SYNE3: variants seen among roughly 807,000 people sequenced by gnomAD.
SYNE3 encodes the protein nesprin-3.
SYNE3 carries 100 observed loss-of-function variants against 111.2 expected under a neutral mutation model. The observed-to-expected ratio is 0.90, with a 90% CI of 0.77 to 1.06. SYNE3 has a LOEUF of 1.06. Ranked by LOEUF, SYNE3 falls within the 50% of genes least tolerant of loss-of-function variation. The probability of loss-of-function intolerance (pLI) is 0.00; values close to 1 mark genes in which losing one functional copy is unlikely to be tolerated. For missense variants in SYNE3, 1,160 were observed against 1,240.3 expected (o/e 0.94, Z 0.97); for synonymous variants, 547 against 533.9 (o/e 1.02, Z -0.34).
At chr14:95,505,111 G>T (rs189708631) in intron 1 of SYNE3, among the ~76,000 whole-genome samples, 2 of 152,348 alleles carry the variant, frequency 1.3e-5, no homozygotes, top group East Asian at 1.9e-4. Flanking sequence ...CTCCCTTCCC[G>T]CCATGGCTTG....
chr14:95,413,749 G>A lies in SYNE3; in HGVS notation c.*4077C>T, dbSNP rs1160652330. The A allele has an allele frequency of 6.6e-6, 1 of 152,254 alleles. No individual in the cohort carries two copies. The highest frequency in any genetic ancestry group is 1.5e-5 in the Non-Finnish European group (1 of 68,074). 9.4% of individuals were successfully genotyped at this position (152,254 alleles called of 1,614,324 possible). ...TCCAGCCAGCTGCCTGAAGCAAACG[G>A]GGCCTGAGAGATGGAATTGGGTCAG... On this transcript the variant is annotated 3_prime_UTR_variant, in exon 18 of 18. Coordinates refer to ENST00000682763, the MANE Select transcript of SYNE3 (RefSeq NM_152592.6).
intron 1 of SYNE3, among the ~76,000 whole-genome samples, chr14:95,515,204 T>C (rs891077652): frequency 6.6e-6 from 1 of 152,160 alleles, no homozygotes; most frequent in Admixed American, 6.5e-5. Flanking sequence ...GGGGCCTCTC[T>C]GGTTGAAAAC....
Position 95,444,578 on chromosome 14 carries a change from C to T in SYNE3, c.1683G>A (p.Gln561=). 6.2e-7 allele frequency: 1 copy of T among 1,613,214 alleles called. No homozygotes were observed. The change falls in exon 10 of 18, where the codon CAG becomes CAA. Residue 561 remains glutamine, a synonymous_variant. Transcript: ENST00000682763. The part of the protein sequence containing the change: ...KDFGAAFEPL[Q]RKLLDLQVRV... ...TGACCTGGAGGTCCAAGAGCTTCCT[C>T]TGCAGGGGCTCAAAAGCTGCTCCAA...
chr14:95,491,864 G>A (rs1889868223), intron 1 of SYNE3, among the ~76,000 whole-genome samples: 1 of 149,746 alleles, frequency 6.7e-6, no homozygotes, highest in South Asian at 2.1e-4. Flanking sequence ...ATCCGATAAG[G>A]GACTTACATC....
intron 1 of SYNE3, 39 bp from the exon 2 acceptor site, chr14:95,475,874 T>G: frequency 7.1e-7 from 1 of 1,402,318 alleles, no homozygotes; most frequent in Non-Finnish European, 9.3e-7. Context: ...CAGGCAGGAA[T>G]GTAGGGGGCT....
intron 3 of SYNE3, among the ~76,000 whole-genome samples, chr14:95,467,359 C>G (rs1247276513): frequency 6.6e-6 from 1 of 152,128 alleles, no homozygotes; most frequent in Non-Finnish European, 1.5e-5. Context: ...GGTAACTTTC[C>G]CAAACCACAT....
In SYNE3 at chr14:95,409,243, G is replaced by A. The variant is rs1166472085; in HGVS notation, c.*8583C>T. 2.2e-6 allele frequency: 1 copy of A among 456,682 alleles called. No individual in the cohort carries two copies. Among genetic ancestry groups the A allele is most frequent in the Admixed American group, 2.3e-5 (1 of 42,586 alleles). 28.3% of individuals were successfully genotyped at this position (456,682 alleles called of 1,614,324 possible). Reference sequence around the variant, plus strand: ...GCTGGCTGCTCTGAGGCAGGCTGCTGACCCTCTCCACACTCTGGTTTCTGA... The same window carrying A: ...GCTGGCTGCTCTGAGGCAGGCTGCTAACCCTCTCCACACTCTGGTTTCTGA... On this transcript the variant is annotated 3_prime_UTR_variant, in exon 18 of 18. Coordinates refer to ENST00000682763, the MANE Select transcript of SYNE3 (RefSeq NM_152592.6).
At chr14:95,504,836 GAA>G (rs549626246) in intron 1 of SYNE3, among the ~76,000 whole-genome samples, 1 of 151,750 alleles carries the variant, frequency 6.6e-6, no homozygotes, top group Non-Finnish European at 1.5e-5. Context: ...AAAGAAAAAA[GAA>G]AAAAGAAAAA....
rs556836086 is a variant in SYNE3, at chr14:95,412,219, G to C, written c.*5607C>G. ...TAGTCACAATGGTGGCCTCCAAGAG[G>C]CAGCAAGACACTCTCATGCCCTGTT... On this transcript the variant is annotated 3_prime_UTR_variant, in exon 18 of 18. Coordinates refer to ENST00000682763, the MANE Select transcript of SYNE3 (RefSeq NM_152592.6). 1 of 152,576 alleles carries C rather than the reference G, an allele frequency of 6.6e-6. No individual in the cohort carries two copies. Among genetic ancestry groups the C allele is most frequent in the South Asian group, 2.1e-4 (1 of 4,822 alleles). The allele number at this position is 152,576 out of a possible 1,614,324, so 9.5% of individuals were successfully genotyped here.
At chr14:95,494,838 C>T (rs1029291274) in intron 1 of SYNE3, among the ~76,000 whole-genome samples, 9 of 151,848 alleles carry the variant, frequency 5.9e-5, no homozygotes, top group Admixed American at 2.0e-4. Context: ...GGGTGCTGGG[C>T]GCCGTGGCTC....
chr14:95,443,685 C>T lies in SYNE3; in HGVS notation c.1777-396G>A, dbSNP rs534924413. 2.6e-3 allele frequency: 417 copies of T among 158,738 alleles called. 3 individuals carry two copies. The highest frequency in any genetic ancestry group is 5.5e-3 in the Admixed American group (86 of 15,606). 9.8% of individuals were successfully genotyped at this position (158,738 alleles called of 1,614,324 possible). ...TTTTGGAGACAGAGTCTCACTCTGTCGCCCAGGCTGGAGCACAGTGGCACA... is the reference window on the plus strand; with the variant it reads ...TTTTGGAGACAGAGTCTCACTCTGTTGCCCAGGCTGGAGCACAGTGGCACA... On this transcript the variant is annotated intron_variant, in intron 10 of 17. Coordinates refer to ENST00000682763, the MANE Select transcript of SYNE3 (RefSeq NM_152592.6).
At chr14:95,507,265 G>C (rs1005885767) in intron 1 of SYNE3, among the ~76,000 whole-genome samples, 4 of 152,216 alleles carry the variant, frequency 2.6e-5, no homozygotes, top group African/African-American at 4.8e-5. Flanking sequence ...GCAGCGCTGT[G>C]TCTCTGGCAT....
At position 95,474,052 on chromosome 14, in the gene SYNE3, C is replaced by T. The variant is rs564428420; in HGVS notation, c.144+1626G>A. 3.3e-5 allele frequency among the ~76,000 whole-genome samples: 5 copies of T among 150,002 alleles called. No individual in the cohort carries two copies. The East Asian group carries it at 9.9e-4, about 30-fold the overall frequency. ...GCTGGTGTGAGCTTGCGAGGTGTGA[C>T]AGTGGCTGGAGCTAAGGCTGGTGTG... On this transcript the variant is annotated intron_variant, in intron 2 of 17. Transcript: ENST00000682763.
chr14:95,443,369 G>A lies in SYNE3; in HGVS notation c.1777-80C>T, dbSNP rs571060108. The stretch of plus-strand genomic sequence containing the variant: ...GGTGGCCGATCAGGGCAGAGCCTCT[G>A]AGTGGGAGAGCCTGGGAGGGGTGAA... On this transcript the variant is annotated intron_variant, in intron 10 of 17. Transcript: ENST00000682763. The A allele has an allele frequency of 9.8e-4, 1,516 of 1,552,750 alleles. 29 individuals carry two copies. The South Asian group carries it at 0.018, about 18-fold the overall frequency.
chr14:95,454,219 G>T (rs1478127608), intron 6 of SYNE3, among the ~76,000 whole-genome samples: 1 of 152,240 alleles, frequency 6.6e-6, no homozygotes. Context: ...TGGATTCCTG[G>T]TCTGTTCCTC....
chr14:95,480,658 C>G (rs878578), intron 1 of SYNE3, among the ~76,000 whole-genome samples: 2 of 152,058 alleles, frequency 1.3e-5, no homozygotes, highest in African/African-American at 4.8e-5. Context: ...AATGGGACAC[C>G]TTAATTTGAG....
chr14:95,461,469 G>A (rs1455824923), intron 4 of SYNE3, among the ~76,000 whole-genome samples: 1 of 152,242 alleles, frequency 6.6e-6, no homozygotes, highest in Non-Finnish European at 1.5e-5. Flanking sequence ...GCTTAGCCTT[G>A]GCCCTAGTCA....
rs1270140274 is a variant in SYNE3 at position 95,409,013 on chromosome 14, T to C, written c.*8813A>G. On this transcript the variant is annotated 3_prime_UTR_variant, in exon 18 of 18. Transcript: ENST00000682763. ...GAGTCAACGGACTTCCCCGCAGGAG[T>C]GGGCACAGGAGGAAAGCAGCATGCT... The C allele has an allele frequency of 2.6e-6, 1 of 385,770 alleles. No homozygotes were observed. Among genetic ancestry groups the C allele is most frequent in the African/African-American group, 2.1e-5 (1 of 47,976 alleles). The allele number at this position is 385,770 out of a possible 1,614,324, so 23.9% of individuals were successfully genotyped here.
intron 4 of SYNE3, among the ~76,000 whole-genome samples, chr14:95,465,282 A>G (rs2139472366): frequency 6.6e-6 from 1 of 152,280 alleles, no homozygotes; most frequent in East Asian, 1.9e-4. Context: ...TCAGTCGGTC[A>G]ACACACCTAT....
Sources: allele counts gnomAD v4.1 joint callset (sites outside exome capture counted in the v4.1 genomes callset), GRCh38; gene constraint gnomAD v4.1.1; transcripts MANE v1.5; gene names NCBI Gene and HGNC (gene_info 2026-07-23, HGNC 2026-07-21).